UNC79: variants seen among roughly 807,000 people sequenced by gnomAD.
UNC79 encodes the protein unc-79 subunit of NALCN channel complex.
In UNC79, 37 loss-of-function variants were observed where a neutral mutation model predicts 283.1. The observed-to-expected ratio is 0.13, with a 90% CI of 0.10 to 0.17. The LOEUF (loss-of-function observed/expected upper bound fraction) is 0.17. Among genes scored for constraint, UNC79 ranks in the 10% least tolerant of loss-of-function variants. The pLI, the probability that UNC79 is intolerant of heterozygous loss-of-function variation, is 1.00. For synonymous variants in UNC79, 1,107 were observed against 1,200.2 expected, an observed-to-expected ratio of 0.92 and a Z score of 1.61; for missense variants, 2,272 against 3,211.1, an observed-to-expected ratio of 0.71 and a Z score of 7.07.
At chr14:93,412,586 T>G (rs2055357123) in intron 1 of UNC79, among the ~76,000 whole-genome samples, 1 of 151,938 alleles carries the variant, frequency 6.6e-6, no homozygotes. Context: ...ATACTGACTG[T>G]TGGGAGTTTG....
chr14:93,462,622 G>A lies in UNC79; in HGVS notation c.23-5049G>A, dbSNP rs930845456. On this transcript the variant is annotated intron_variant, in intron 1 of 48. Transcript: ENST00000555664. ...GCTGCTGCTGAGTAATGACAGTGAC[G>A]ATAAGGAACAGAAGACAGTTGGGAG... 1.4e-4 allele frequency among the ~76,000 whole-genome samples: 22 copies of A among 152,346 alleles called. 1 individual carries two copies. Among genetic ancestry groups the A allele is most frequent in the Middle Eastern group, 6.8e-3 (2 of 294 alleles).
intron 4 of UNC79, 70 bp downstream of exon 4, chr14:93,477,798 A>T: frequency 6.8e-7 from 1 of 1,460,210 alleles, no homozygotes; most frequent in South Asian, 1.3e-5. Context: ...TTTTGCTGTT[A>T]TAGGCTCTAG....
At chr14:93,487,166 T>A (rs1206550488) in intron 4 of UNC79, among the ~76,000 whole-genome samples, 1 of 152,222 alleles carries the variant, frequency 6.6e-6, no homozygotes, top group Non-Finnish European at 1.5e-5. Context: ...TTATAATATG[T>A]GATTTAGAAT....
intron 8 of UNC79, among the ~76,000 whole-genome samples, chr14:93,527,071 T>C (rs911928665): frequency 8.5e-5 from 13 of 152,290 alleles, no homozygotes; most frequent in African/African-American, 3.1e-4. Context: ...AAGCCAAGAG[T>C]TGTAATAGGA....
intron 1 of UNC79, among the ~76,000 whole-genome samples, chr14:93,406,013 G>A (rs1385589686): frequency 3.3e-5 from 5 of 152,118 alleles, no homozygotes; most frequent in African/African-American, 1.2e-4. Context: ...TGGGTAGACA[G>A]GATGGCTGAT....
chr14:93,688,989 C>T lies in UNC79; in HGVS notation c.7085+149C>T. 1 of 827,780 alleles carries T rather than the reference C, an allele frequency of 1.2e-6. No homozygotes were observed. The highest frequency in any genetic ancestry group is 3.4e-5 in the South Asian group (1 of 29,248). 51.3% of individuals were successfully genotyped at this position (827,780 alleles called of 1,614,324 possible). On this transcript the variant is annotated intron_variant, in intron 44 of 48. Transcript: ENST00000555664. The surrounding 1 kb of genome is among the most constrained non-coding windows in gnomAD (Gnocchi z 4.0). The stretch of plus-strand genomic sequence containing the variant: ...GGAAGATGGAAATCAGATCCCATCT[C>T]CTTACGTACTTGCTGACCCAGAATG...
At chr14:93,507,838 T>G (rs1007758599) in intron 7 of UNC79, among the ~76,000 whole-genome samples, 1 of 152,220 alleles carries the variant, frequency 6.6e-6, no homozygotes, top group African/African-American at 2.4e-5. Context: ...TATTTCCATT[T>G]AAGTCTATGA....
At chr14:93,565,898 A>G (rs2062847836) in intron 14 of UNC79, among the ~76,000 whole-genome samples, 2 of 152,222 alleles carry the variant, frequency 1.3e-5, no homozygotes, top group African/African-American at 2.4e-5. Context: ...CACCATTTCA[A>G]CATGTCCTGT....
exon 20 of UNC79, chr14:93,582,254 A>C: frequency 6.2e-7 from 1 of 1,614,160 alleles, no homozygotes; most frequent in Non-Finnish European, 8.5e-7. Flanking sequence ...ACCAGAGTTT[A>C]TCATAGGCCC....
At chr14:93,438,110 C>G (rs1423991523) in intron 1 of UNC79, among the ~76,000 whole-genome samples, 1 of 152,072 alleles carries the variant, frequency 6.6e-6, no homozygotes, top group Non-Finnish European at 1.5e-5. Flanking sequence ...ATATGCATTC[C>G]TATATGAAGT....
At chr14:93,404,496 ATAT>A (rs1566915213) in intron 1 of UNC79, among the ~76,000 whole-genome samples, 3 of 82,288 alleles carry the variant, frequency 3.6e-5, no homozygotes, top group African/African-American at 9.3e-5. Context: ...TAAAAAAAAT[ATAT>A]ATATATATAT....
At chr14:93,347,442 G>T in intron 1 of UNC79, 1 of 1,409,808 alleles carries the variant, frequency 7.1e-7, no homozygotes, top group Non-Finnish European at 9.2e-7. Flanking sequence ...GCGTGGCCCT[G>T]GCGGGGCGCC....
intron 14 of UNC79, among the ~76,000 whole-genome samples, chr14:93,569,726 T>C (rs1437815818): frequency 1.3e-5 from 2 of 152,164 alleles, no homozygotes; most frequent in Non-Finnish European, 2.9e-5. Flanking sequence ...ATGTCCAGGC[T>C]GAGGCCCAGG....
At chr14:93,530,357 G>T (rs2060749801) in intron 10 of UNC79, among the ~76,000 whole-genome samples, 2 of 152,104 alleles carry the variant, frequency 1.3e-5, no homozygotes, top group African/African-American at 4.8e-5. Flanking sequence ...GATGGCTTGA[G>T]CCTAGGAGTT....
intron 1 of UNC79, among the ~76,000 whole-genome samples, chr14:93,380,881 T>C (rs551048574): frequency 6.6e-6 from 1 of 152,294 alleles, no homozygotes; most frequent in Non-Finnish European, 1.5e-5. Flanking sequence ...AGCATACAAA[T>C]GTATGAAATT....
intron 2 of UNC79, 116 bp from the exon 3 acceptor site, chr14:93,473,973 G>A: frequency 7.8e-7 from 1 of 1,287,480 alleles, no homozygotes; most frequent in Non-Finnish European, 1.0e-6. Flanking sequence ...CGTGGCAATT[G>A]CATCTTATGT....
chr14:93,497,529 G>C (rs2059066946), intron 7 of UNC79, among the ~76,000 whole-genome samples: 1 of 152,232 alleles, frequency 6.6e-6, no homozygotes, highest in African/African-American at 2.4e-5. Flanking sequence ...ACCACTGGCT[G>C]AGGGTCTTAA....
At chr14:93,379,579 A>G (rs1338015023) in intron 1 of UNC79, among the ~76,000 whole-genome samples, 1 of 152,172 alleles carries the variant, frequency 6.6e-6, no homozygotes, top group Non-Finnish European at 1.5e-5. Flanking sequence ...CTACCTTAAT[A>G]TACAATTCAT....
rs115844664 is a variant in UNC79 at position 93,525,109 on chromosome 14, T to C, written c.963+1067T>C. ...GATGGCCTTGTATTATTATTTTTAA[T>C]CTCTGCTTTTGTTGAAGGCAAATTG... On this transcript the variant is annotated intron_variant, in intron 8 of 48. Transcript: ENST00000555664. Among the ~76,000 whole-genome samples the C allele has an allele frequency of 4.6e-3, 701 of 152,298 alleles. 3 individuals are homozygous for C. The highest frequency in any genetic ancestry group is 0.016 in the African/African-American group (667 of 41,554).
Sources: gnomAD v4.1 joint callset for allele counts (sites outside exome capture counted in the v4.1 genomes callset) on GRCh38, gnomAD v4.1.1 for gene constraint, Gnocchi (gnomAD v3.1) non-coding constraint, MANE v1.5 for transcripts, NCBI Gene and HGNC (gene_info 2026-07-23, HGNC 2026-07-21) for gene names.